Variants in RNF111 observed in about 807,000 individuals in gnomAD.
The protein encoded by RNF111 is E3 ubiquitin-protein ligase Arkadia.
A neutral mutation model predicts 95.1 loss-of-function variants in RNF111; 17 were observed. The ratio of observed to expected loss-of-function variants is 0.18; its 90% confidence interval spans 0.12 to 0.27. The LOEUF is 0.27. Among genes scored for constraint, RNF111 ranks in the 10% least tolerant of loss-of-function variants. RNF111 has a pLI of 1.00. For synonymous variants in RNF111, 440 were observed against 414.8 expected, an observed-to-expected ratio of 1.06 and a Z score of -0.74; for missense variants, 1,189 against 1,210.4, an observed-to-expected ratio of 0.98 and a Z score of 0.26.
chr15:59,088,678 A>G (rs950505494), intron 10 of RNF111, among the ~76,000 whole-genome samples: 11 of 152,188 alleles, frequency 7.2e-5, no homozygotes, highest in Non-Finnish European at 1.6e-4. Context: ...AGTTGCTGCA[A>G]ACACTGAATT....
intron 2 of RNF111, among the ~76,000 whole-genome samples, chr15:59,049,035 A>G (rs763956210): frequency 6.6e-6 from 1 of 152,064 alleles, no homozygotes. Context: ...CAGGAGATTG[A>G]CGGCATGAGC....
chr15:59,023,206 C>T (rs1309856199), intron 1 of RNF111, among the ~76,000 whole-genome samples: 3 of 152,124 alleles, frequency 2.0e-5, no homozygotes, highest in Non-Finnish European at 2.9e-5. Flanking sequence ...TGAGATCACA[C>T]CACTGCACTC....
At chr15:59,035,645 A>G (rs2141818120) in intron 2 of RNF111, among the ~76,000 whole-genome samples, 1 of 152,170 alleles carries the variant, frequency 6.6e-6, no homozygotes, top group East Asian at 1.9e-4. Flanking sequence ...GCTCTTAGAA[A>G]TTACTTTTGC....
intron 2 of RNF111, among the ~76,000 whole-genome samples, chr15:59,048,195 G>A (rs1298615431): frequency 6.6e-6 from 1 of 152,168 alleles, no homozygotes; most frequent in African/African-American, 2.4e-5. Context: ...TGCAAAAACT[G>A]AGCAAAACCC....
chr15:59,068,380 G>A (rs1401277564), intron 6 of RNF111, among the ~76,000 whole-genome samples: 3 of 152,252 alleles, frequency 2.0e-5, no homozygotes, highest in East Asian at 1.9e-4. Context: ...GCCAAGGCAA[G>A]TGGATCACCT....
rs530628413 is a variant in RNF111 at position 59,075,824 on chromosome 15, A to G, written c.1687-130A>G. 312 of 980,604 alleles carry G rather than the reference A, an allele frequency of 3.2e-4. 1 individual carries two copies. In the African/African-American group the frequency reaches 4.8e-3, roughly 15 times the overall value. The allele number at this position is 980,604 out of a possible 1,614,324, so 60.7% of individuals were successfully genotyped here. On this transcript the variant is annotated intron_variant, in intron 6 of 13. Transcript: ENST00000348370. ...TTGGTGCTCACTGGTTCTTCATACT[A>G]AGAATCTTCCTGGTTTCAAACTAAT...
At chr15:59,036,290 T>G (rs1354178405) in intron 2 of RNF111, among the ~76,000 whole-genome samples, 14 of 152,076 alleles carry the variant, frequency 9.2e-5, no homozygotes, top group African/African-American at 3.1e-4. Flanking sequence ...ACTCCTGGCC[T>G]CAAGAGATCC....
chr15:59,067,174 A>C, intron 6 of RNF111, 91 bp downstream of exon 6: 10 of 1,063,660 alleles, frequency 9.4e-6, no homozygotes, highest in East Asian at 5.0e-5. Flanking sequence ...CTCTTCCTTC[A>C]TTCCTGTCTC....
rs373913813 is a variant in RNF111, at chr15:59,031,516, A to G, written c.694A>G (p.Ile232Val). ...GAGGACACAGAAACAAAAAGAGAGG[A>G]TATTAATGCAGAGGAAGAAACGAGA... The part of the protein sequence containing the change: ...SQRTQKQKER[I>V]LMQRKKREVL... Residue 232 changes from isoleucine to valine, a missense_variant, in exon 2 of 14, where the codon ATA becomes GTA. Physicochemically the swap from Ile to Val is conservative, Grantham distance 29. Coordinates refer to ENST00000348370, the MANE Select transcript of RNF111 (RefSeq NM_017610.8). 4 of 1,614,096 alleles carry G rather than the reference A, an allele frequency of 2.5e-6. No individual in the cohort carries two copies. The African/African-American group carries it at 5.3e-5, about 22-fold the overall frequency.
chr15:59,072,822 A>AG lies in RNF111; in HGVS notation c.1687-3131dup, dbSNP rs556567948. Among the ~76,000 whole-genome samples, 936 of 150,232 alleles carry AG rather than the reference A, an allele frequency of 6.2e-3. 12 individuals are homozygous for AG. The highest frequency in any genetic ancestry group is 0.022 in the African/African-American group (880 of 40,720). ...TATCTCAAGAAACCACTTTTGCTGC[A>AG]GTTTTTTGTTTGTTTGTTTGTTTAA... On this transcript the variant is annotated intron_variant, in intron 6 of 13. Coordinates refer to ENST00000348370, the MANE Select transcript of RNF111 (RefSeq NM_017610.8).
intron 1 of RNF111, among the ~76,000 whole-genome samples, chr15:59,023,258 A>G (rs1013385947): frequency 3.9e-5 from 6 of 152,110 alleles, no homozygotes; most frequent in Non-Finnish European, 5.9e-5. Flanking sequence ...AAAGAAAAAA[A>G]GAAAGTGAGG....
chr15:59,030,938 A>G lies in RNF111; in HGVS notation c.116A>G (p.His39Arg). Residue 39 changes from histidine (H) to arginine (R), a missense_variant, in exon 2 of 14, where the codon CAT becomes CGT. By Grantham distance (29) the His-to-Arg change is conservative. Around this residue, in one of 2 missense-constraint regions of RNF111, gnomAD observed 1,024 missense variants for 925.9 expected, o/e 1.11. Transcript: ENST00000348370. ...GAGAGTCTGAAAGGGATCCTTTTGC[A>G]TCCAGAGCCCATTGGGGCAGCCAAA... is the stretch of plus-strand genomic sequence containing the variant. ...TQESLKGILL[H>R]PEPIGAAKSF... 1 of 1,614,220 alleles carries G rather than the reference A, an allele frequency of 6.2e-7. No individual in the cohort carries two copies. Among genetic ancestry groups the G allele is most frequent in the Non-Finnish European group, 8.5e-7 (1 of 1,180,028 alleles).
intron 1 of RNF111, among the ~76,000 whole-genome samples, chr15:58,999,273 C>T (rs1226090496): frequency 1.3e-5 from 2 of 152,160 alleles, no homozygotes; most frequent in East Asian, 1.9e-4. Context: ...AGCATTACCG[C>T]TCTTATTAAA....
Position 59,095,733 on chromosome 15 carries a change from T to G in RNF111, c.*833T>G. 1 of 324,054 alleles carries G rather than the reference T, an allele frequency of 3.1e-6. No homozygotes were observed. The highest frequency in any genetic ancestry group is 5.6e-6 in the Non-Finnish European group (1 of 179,970). The allele number at this position is 324,054 out of a possible 1,614,324, so 20.1% of individuals were successfully genotyped here. A position where few individuals can be genotyped will look rare whatever the true frequency, so the allele number is the denominator to read the frequency against. On this transcript the variant is annotated 3_prime_UTR_variant, in exon 14 of 14. Transcript: ENST00000348370. Reference sequence around the variant, plus strand: ...GCTAGATTGTACATACTTGCAGATTTAACAAAATTTTAGGGAAATTGAAAA... The same window carrying G: ...GCTAGATTGTACATACTTGCAGATTGAACAAAATTTTAGGGAAATTGAAAA...
intron 1 of RNF111, among the ~76,000 whole-genome samples, chr15:59,029,247 C>T (rs1268081452): frequency 6.6e-6 from 1 of 152,104 alleles, no homozygotes; most frequent in African/African-American, 2.4e-5. Flanking sequence ...TGGCCCCATT[C>T]AACTCTTAGA....
intron 2 of RNF111, among the ~76,000 whole-genome samples, chr15:59,042,827 T>G (rs1318225324): frequency 1.3e-5 from 2 of 152,216 alleles, no homozygotes; most frequent in South Asian, 2.1e-4. Flanking sequence ...TATAAAATCT[T>G]TAATGTTTTC....
intron 2 of RNF111, among the ~76,000 whole-genome samples, chr15:59,041,959 A>ATTTTTTTTTTTTT (rs775444330): frequency 5.5e-5 from 6 of 108,458 alleles, no homozygotes; most frequent in Non-Finnish European, 1.1e-4. Context: ...CAGTCTGTTC[A>ATTTTTTTTTTTTT]TATTTTTTTT....
At chr15:59,057,380 G>A (rs1463186306) in intron 4 of RNF111, among the ~76,000 whole-genome samples, 5 of 152,098 alleles carry the variant, frequency 3.3e-5, no homozygotes, top group African/African-American at 1.2e-4. Context: ...CATTCAAAGT[G>A]TCCCATATAG....
At chr15:59,023,350 C>T (rs954041199) in intron 1 of RNF111, among the ~76,000 whole-genome samples, 6 of 152,096 alleles carry the variant, frequency 3.9e-5, no homozygotes, top group East Asian at 1.9e-4. Context: ...TAAATTTTTG[C>T]GTAACTGACA....
Sources: allele counts gnomAD v4.1 joint callset (sites outside exome capture counted in the v4.1 genomes callset), GRCh38; gene constraint gnomAD v4.1.1; regional missense constraint gnomAD v4.1.1; transcripts MANE v1.5; gene names NCBI Gene and HGNC (gene_info 2026-07-23, HGNC 2026-07-21).